The following BAZ2B variants were observed in gnomAD, a reference collection of about 807,000 sequenced individuals.
The protein encoded by BAZ2B is bromodomain adjacent to zinc finger domain 2B.
A neutral mutation model predicts 246.0 loss-of-function variants in BAZ2B; 91 were observed. The observed-to-expected ratio is 0.37, with a 90% CI of 0.31 to 0.44. The LOEUF is 0.44. BAZ2B is among the 20% of genes least tolerant of loss of function. BAZ2B has a pLI of 1.00. For synonymous variants in BAZ2B, 855 were observed against 860.0 expected (o/e 0.99, Z 0.10); for missense variants, 2,332 against 2,533.7 (o/e 0.92, Z 1.71).
intron 3 of BAZ2B, chr2:159,463,668 T>TG (rs2076682040): frequency 6.6e-6 from 1 of 151,986 alleles, no homozygotes; most frequent in Admixed American, 6.6e-5. Context: ...GCTGGCCACT[T>TG]ATATGTTTCT....
At chr2:159,492,028 G>A (rs1403606527) in intron 2 of BAZ2B, among the ~76,000 whole-genome samples, 1 of 151,928 alleles carries the variant, frequency 6.6e-6, no homozygotes. Flanking sequence ...TCTCCCATTC[G>A]TATTAACAAC....
chr2:159,434,173 A>ATTATTATTT (rs1167348063), intron 8 of BAZ2B: 2 of 140,210 alleles, frequency 1.4e-5, no homozygotes, highest in African/African-American at 4.9e-5. Context: ...TATTATTATT[A>ATTATTATTT]TTTTTTGAGA....
At position 159,389,068 on chromosome 2, in the gene BAZ2B, T is replaced by C. The variant is rs575394198; in HGVS notation, c.3216+277A>G. Among the ~76,000 whole-genome samples the C allele has an allele frequency of 7.3e-5, 11 of 151,634 alleles. No homozygotes were observed. The East Asian group carries it at 1.9e-3, about 27-fold the overall frequency. ...GCCACTGCCCTCTCTCCAGCCTAAATGACAGAGTAAGACCCTGTCTGAAAA... is the reference window on the plus strand; with the variant it reads ...GCCACTGCCCTCTCTCCAGCCTAAACGACAGAGTAAGACCCTGTCTGAAAA... On this transcript the variant is annotated intron_variant, in intron 21 of 36. Transcript: ENST00000392783.
the BAZ2B span, among the ~76,000 whole-genome samples, chr2:159,621,879 G>A: frequency 6.6e-6 from 1 of 152,080 alleles, no homozygotes; most frequent in African/African-American, 2.4e-5. Flanking sequence ...GCCGAGGCAG[G>A]TGGATCACCT....
chr2:159,489,113 A>C (rs112581383), intron 2 of BAZ2B, among the ~76,000 whole-genome samples: 88 of 152,204 alleles, frequency 5.8e-4, no homozygotes, highest in African/African-American at 1.8e-3. Context: ...CATACTATCC[A>C]TGGATAGGTA....
chr2:159,347,409 G>T, intron 31 of BAZ2B, 77 bp downstream of exon 31: 2 of 1,408,114 alleles, frequency 1.4e-6, no homozygotes, highest in Non-Finnish European at 2.0e-6. Flanking sequence ...ACATTAACTA[G>T]CATATATTAG....
intron 8 of BAZ2B, among the ~76,000 whole-genome samples, chr2:159,436,467 G>T (rs1385527701): frequency 1.3e-5 from 2 of 152,172 alleles, no homozygotes; most frequent in East Asian, 3.9e-4. Context: ...ATCCATTTGG[G>T]GCCAGGTGTG....
intron 14 of BAZ2B, among the ~76,000 whole-genome samples, chr2:159,405,599 C>T (rs1576630025): frequency 6.6e-6 from 1 of 152,126 alleles, no homozygotes; most frequent in African/African-American, 2.4e-5. Context: ...TTCATTCCAA[C>T]GGAAACTGAA....
At chr2:159,331,405 T>C (rs1177935015) in intron 34 of BAZ2B, among the ~76,000 whole-genome samples, 2 of 152,188 alleles carry the variant, frequency 1.3e-5, no homozygotes, top group Non-Finnish European at 2.9e-5. Context: ...TCTCACTCTG[T>C]CACTCAGGCT....
intron 3 of BAZ2B, chr2:159,462,694 C>T: frequency 1.5e-6 from 2 of 1,357,246 alleles, no homozygotes; most frequent in Non-Finnish European, 2.1e-6. Flanking sequence ...CTCCAACCAC[C>T]TGGGCTGTAG....
intron 36 of BAZ2B, among the ~76,000 whole-genome samples, chr2:159,321,249 A>T (rs369759515): frequency 2.0e-5 from 3 of 152,218 alleles, no homozygotes; most frequent in East Asian, 1.9e-4. Context: ...TTTTAAGTTA[A>T]TTCTAACCTA....
the BAZ2B span, chr2:159,694,449 A>G: frequency 2.0e-5 from 3 of 152,070 alleles, no homozygotes; most frequent in Admixed American, 1.3e-4. Context: ...CATTTTCATC[A>G]CCTCAAAAAG....
At chr2:159,595,435 G>A (rs752656001) in intron 1 of BAZ2B, among the ~76,000 whole-genome samples, 4 of 152,108 alleles carry the variant, frequency 2.6e-5, no homozygotes, top group Non-Finnish European at 5.9e-5. Context: ...GCTGTTTTAG[G>A]TCATGTTAGT....
At chr2:159,550,924 C>T (rs1158782281) in intron 2 of BAZ2B, among the ~76,000 whole-genome samples, 1 of 152,138 alleles carries the variant, frequency 6.6e-6, no homozygotes, top group African/African-American at 2.4e-5. Flanking sequence ...CAGCCTTGAA[C>T]TCCTGGACTC....
intron 8 of BAZ2B, chr2:159,435,005 G>T (rs1370695722): frequency 6.6e-6 from 1 of 151,768 alleles, no homozygotes; most frequent in African/African-American, 2.4e-5. Context: ...AATCCTTTGA[G>T]TTAACAGAAG....
At chr2:159,636,261 G>A in the BAZ2B span, among the ~76,000 whole-genome samples, 26 of 152,064 alleles carry the variant, frequency 1.7e-4, no homozygotes, top group Admixed American at 1.6e-3. Flanking sequence ...CCTGAAAGAC[G>A]CATTGAGGAG....
intron 28 of BAZ2B, 25 bp downstream of exon 28, chr2:159,349,683 A>G (rs774559755): frequency 1.9e-6 from 3 of 1,567,520 alleles, no homozygotes; most frequent in Non-Finnish European, 1.7e-6. Context: ...CAATATAAAA[A>G]TGAGTTACAG....
chr2:159,578,380 C>T (rs988434395), intron 1 of BAZ2B, among the ~76,000 whole-genome samples: 1 of 152,016 alleles, frequency 6.6e-6, no homozygotes, highest in Non-Finnish European at 1.5e-5. Flanking sequence ...TTGTGCACAC[C>T]CTTTGCCCTT....
At chr2:159,341,216 T>G (rs930813640) in intron 31 of BAZ2B, among the ~76,000 whole-genome samples, 7 of 151,062 alleles carry the variant, frequency 4.6e-5, no homozygotes, top group African/African-American at 1.7e-4. Flanking sequence ...TGAAGAGGAA[T>G]AGTTATACTT....
Sources: allele counts gnomAD v4.1 joint callset (sites outside exome capture counted in the v4.1 genomes callset), GRCh38; gene constraint gnomAD v4.1.1; transcripts MANE v1.5; gene names NCBI Gene and HGNC (gene_info 2026-07-23, HGNC 2026-07-21).